DNAH17: variants seen among roughly 807,000 people sequenced by gnomAD.
DNAH17 encodes the protein dynein axonemal heavy chain 17.
In DNAH17, 376 loss-of-function variants were observed where a neutral mutation model predicts 485.6. That is an observed-to-expected ratio of 0.77 (90% CI 0.71 to 0.84). The LOEUF is 0.84. Among genes scored for constraint, DNAH17 ranks in the 40% least tolerant of loss-of-function variants. The pLI, the probability that DNAH17 is intolerant of heterozygous loss-of-function variation, is 0.00. For missense variants in DNAH17, 6,370 were observed against 5,839.3 expected (o/e 1.09, Z -2.96); for synonymous variants, 3,031 against 2,405.9 (o/e 1.26, Z -7.60).
intron 72 of DNAH17, 51 bp from the exon 73 acceptor site, chr17:78,439,268 G>A: frequency 1.3e-6 from 2 of 1,553,568 alleles, no homozygotes; most frequent in Admixed American, 1.9e-5. Context: ...AATGACACAG[G>A]TTCAGGCTCT....
chr17:78,427,627 C>G (rs2086522073), intron 77 of DNAH17, among the ~76,000 whole-genome samples: 1 of 152,196 alleles, frequency 6.6e-6, no homozygotes, highest in African/African-American at 2.4e-5. Context: ...TCAGTCTTTA[C>G]CGGGAAGTCC....
chr17:78,572,754 C>G lies in DNAH17; in HGVS notation c.486G>C (p.Leu162=). ...GGCTGCCCAGGTGCTCCGGAATAGG[C>G]AGCAAGGTTTTGCCTTTGATCTTGC... ...MSGKIKGKTL[L]PIPEHLGSLD... is the part of the protein sequence containing the mutation. The change falls in exon 3 of 81, where the codon CTG becomes CTC. Residue 162 remains leucine (L), a synonymous_variant. Coordinates refer to ENST00000389840, the MANE Select transcript of DNAH17 (RefSeq NM_173628.4). 3 of 1,613,054 alleles carry G rather than the reference C, an allele frequency of 1.9e-6. No homozygotes were observed. Among genetic ancestry groups the G allele is most frequent in the Non-Finnish European group, 2.5e-6 (3 of 1,179,584 alleles).
chr17:78,455,931 G>C, intron 62 of DNAH17, 95 bp from the exon 63 acceptor site: 1 of 1,100,828 alleles, frequency 9.1e-7, no homozygotes, highest in Non-Finnish European at 1.2e-6. Context: ...AATCTTCAGA[G>C]TTTCCCGTCT....
At chr17:78,490,979 G>A in intron 43 of DNAH17, 132 bp from the exon 44 acceptor site, 1 of 1,154,984 alleles carries the variant, frequency 8.7e-7, no homozygotes, top group Non-Finnish European at 1.2e-6. Flanking sequence ...GCCACCCCTG[G>A]CCCACAGCCC....
intron 21 of DNAH17, 85 bp downstream of exon 21, chr17:78,530,258 C>CAA: frequency 6.9e-7 from 1 of 1,445,320 alleles, no homozygotes; most frequent in Non-Finnish European, 9.2e-7. Flanking sequence ...AGGCACCTGA[C>CAA]AAATGCCACC....
chr17:78,432,798 G>A (rs1167424608), intron 75 of DNAH17, among the ~76,000 whole-genome samples: 2 of 151,376 alleles, frequency 1.3e-5, no homozygotes, highest in Non-Finnish European at 2.9e-5. Context: ...TTCCCTCATT[G>A]AACCCCCAGG....
chr17:78,479,221 G>T, intron 50 of DNAH17, 105 bp from the exon 51 acceptor site: 1 of 1,192,370 alleles, frequency 8.4e-7, no homozygotes, highest in Non-Finnish European at 1.2e-6. Flanking sequence ...GGTGACAACT[G>T]GAGTAAGAAA....
chr17:78,530,165 G>A (rs756107166), intron 21 of DNAH17, among the ~76,000 whole-genome samples, 178 bp downstream of exon 21: 34 of 152,348 alleles, frequency 2.2e-4, no homozygotes, highest in African/African-American at 2.9e-4. Flanking sequence ...ATGTTTGCTC[G>A]CAGCCCGGTG....
At chr17:78,463,594 A>G (rs2042390612) in intron 56 of DNAH17, among the ~76,000 whole-genome samples, 1 of 152,242 alleles carries the variant, frequency 6.6e-6, no homozygotes, top group African/African-American at 2.4e-5. Flanking sequence ...ATACCTGCCT[A>G]TATGCACGTG....
chr17:78,542,771 C>T (rs1419556442), intron 17 of DNAH17, among the ~76,000 whole-genome samples: 3 of 152,212 alleles, frequency 2.0e-5, no homozygotes, highest in African/African-American at 7.2e-5. Context: ...CGTGCATTAT[C>T]ACATTCTACC....
intron 47 of DNAH17, 49 bp downstream of exon 47, chr17:78,485,501 A>ACTGGCGGGGGG: frequency 6.6e-7 from 1 of 1,525,544 alleles, no homozygotes; most frequent in South Asian, 1.2e-5. Flanking sequence ...GGGAACGGGG[A>ACTGGCGGGGGG]CTGGCGGGGG....
chr17:78,436,840 A>T (rs1568048166), intron 74 of DNAH17, among the ~76,000 whole-genome samples: 1 of 93,172 alleles, frequency 1.1e-5, no homozygotes. Flanking sequence ...GTGAGACTCC[A>T]TCTCCAAACA....
At chr17:78,491,327 G>T in intron 43 of DNAH17, 116 bp downstream of exon 43, 1 of 1,419,176 alleles carries the variant, frequency 7.0e-7, no homozygotes, top group South Asian at 1.4e-5. Flanking sequence ...ATCCAGACAC[G>T]CCACCTGCGC....
chr17:78,497,614 C>T (rs1404525345), intron 37 of DNAH17, among the ~76,000 whole-genome samples: 2 of 152,246 alleles, frequency 1.3e-5, no homozygotes, highest in Non-Finnish European at 2.9e-5. Flanking sequence ...CGGTAACAGC[C>T]AGCACTGCCC....
Position 78,486,500 on chromosome 17 carries a change from C to CACCTT in DNAH17, c.6824_6825insAAGGT (p.Ser2276ArgfsTer2). 6.2e-7 allele frequency: 1 copy of CACCTT among 1,605,732 alleles called. No individual in the cohort carries two copies. The highest frequency in any genetic ancestry group is 8.5e-7 in the Non-Finnish European group (1 of 1,174,944). Reference sequence around the variant, plus strand: ...CCTTGCGCCTCTCGATCCAGCTGCTCACCACCCTGGGGGTGACAGGAGGCG... The same window carrying CACCTT: ...CCTTGCGCCTCTCGATCCAGCTGCTCACCTTACCACCCTGGGGGTGACAGGAGGCG... On this transcript the variant is annotated frameshift_variant, in exon 45 of 81. Transcript: ENST00000389840. LOFTEE classifies it high-confidence loss of function.
At chr17:78,436,163 A>G (rs2086845357) in intron 74 of DNAH17, among the ~76,000 whole-genome samples, 2 of 152,350 alleles carry the variant, frequency 1.3e-5, no homozygotes, top group South Asian at 4.1e-4. Context: ...GTGGTGGCTC[A>G]CGCCTGTAAT....
At chr17:78,516,909 AG>A (rs976438558) in intron 25 of DNAH17, among the ~76,000 whole-genome samples, 1 of 152,204 alleles carries the variant, frequency 6.6e-6, no homozygotes, top group African/African-American at 2.4e-5. Flanking sequence ...ATTAAATAAA[AG>A]AAGAGACAGA....
chr17:78,563,918 C>T (rs2092213415), intron 11 of DNAH17, among the ~76,000 whole-genome samples: 1 of 151,988 alleles, frequency 6.6e-6, no homozygotes, highest in South Asian at 2.1e-4. Flanking sequence ...CTGCCTCCCT[C>T]CCCTCCGCTT....
chr17:78,466,076 T>C (rs1260827936), intron 56 of DNAH17, among the ~76,000 whole-genome samples: 2 of 152,210 alleles, frequency 1.3e-5, no homozygotes, highest in African/African-American at 4.8e-5. Context: ...TTTCATTTTG[T>C]TCTGTACTAA....
Sources: allele counts gnomAD v4.1 joint callset (sites outside exome capture counted in the v4.1 genomes callset), GRCh38; gene constraint gnomAD v4.1.1; transcripts MANE v1.5; gene names NCBI Gene and HGNC (gene_info 2026-07-23, HGNC 2026-07-21).